KLF12: variants seen among roughly 807,000 people sequenced by gnomAD.
KLF12 encodes the protein Krueppel-like factor 12.
A neutral mutation model predicts 37.8 loss-of-function variants in KLF12; 9 were observed. The observed-to-expected ratio is 0.24, with a 90% CI of 0.14 to 0.42. The LOEUF (loss-of-function observed/expected upper bound fraction) is 0.42, where lower values mean the gene tolerates loss of function less well. Among genes scored for constraint, KLF12 ranks in the 10% least tolerant of loss-of-function variants. The probability of loss-of-function intolerance (pLI) is 1.00; values close to 1 mark genes in which losing one functional copy is unlikely to be tolerated. For synonymous variants in KLF12, 208 were observed against 202.1 expected (o/e 1.03, Z -0.25); for missense variants, 411 against 516.0 (o/e 0.80, Z 1.97).
chr13:73,940,039 G>A lies in KLF12; in HGVS notation c.123+3942C>T, dbSNP rs150316390. On this transcript the variant is annotated intron_variant, in intron 3 of 7. Coordinates refer to ENST00000377669, the MANE Select transcript of KLF12 (RefSeq NM_007249.5). ...AAAATAACTTCCCAATGTCATTCCA[G>A]CTGGTGAACTGCAGGGCCAGGAATA... Among the ~76,000 whole-genome samples, 201 of 152,264 alleles carry A rather than the reference G, an allele frequency of 1.3e-3. 2 individuals are homozygous for A. The highest frequency in any genetic ancestry group is 4.7e-3 in the African/African-American group (195 of 41,550).
chr13:73,965,982 T>C (rs1289116076), intron 2 of KLF12, among the ~76,000 whole-genome samples: 2 of 152,210 alleles, frequency 1.3e-5, no homozygotes, highest in East Asian at 3.8e-4. Flanking sequence ...GCCATAAAAA[T>C]GCATGTACCT....
At chr13:73,908,486 TTTG>T (rs1377255152) in intron 3 of KLF12, among the ~76,000 whole-genome samples, 2 of 149,648 alleles carry the variant, frequency 1.3e-5, no homozygotes, top group African/African-American at 2.5e-5. Flanking sequence ...CTTTTTTTCT[TTTG>T]TTTTTTTTTG....
At chr13:74,249,360 A>ACG in the KLF12 span, among the ~76,000 whole-genome samples, 1 of 132,374 alleles carries the variant, frequency 7.6e-6, no homozygotes, top group East Asian at 2.6e-4. Context: ...ACACACACAC[A>ACG]CACACACACA....
intron 1 of KLF12, among the ~76,000 whole-genome samples, chr13:74,098,466 C>G (rs1876110236): frequency 6.6e-6 from 1 of 152,180 alleles, no homozygotes; most frequent in South Asian, 2.1e-4. Flanking sequence ...AATTCTCATT[C>G]AGGTTCCTAC....
At chr13:73,834,246 C>A (rs914637159) in intron 4 of KLF12, among the ~76,000 whole-genome samples, 1 of 152,118 alleles carries the variant, frequency 6.6e-6, no homozygotes, top group African/African-American at 2.4e-5. Flanking sequence ...TCTTACTATA[C>A]GTTACCCAAG....
chr13:74,191,137 T>G, the KLF12 span, among the ~76,000 whole-genome samples: 1 of 152,168 alleles, frequency 6.6e-6, no homozygotes, highest in Non-Finnish European at 1.5e-5. Context: ...TTCATTATAT[T>G]GTGAACTCTC....
chr13:73,888,301 G>A (rs1246861148), intron 3 of KLF12, among the ~76,000 whole-genome samples: 2 of 152,068 alleles, frequency 1.3e-5, no homozygotes. Context: ...ACCGCGCCCG[G>A]CCACAAAAAC....
intron 6 of KLF12, among the ~76,000 whole-genome samples, chr13:73,717,249 C>T (rs1214255335): frequency 6.6e-6 from 1 of 152,164 alleles, no homozygotes; most frequent in African/African-American, 2.4e-5. Flanking sequence ...GGCAGGAGAA[C>T]TGCTTGAGCC....
chr13:73,927,046 G>A (rs1889424231), intron 3 of KLF12, among the ~76,000 whole-genome samples: 1 of 151,978 alleles, frequency 6.6e-6, no homozygotes, highest in Non-Finnish European at 1.5e-5. Flanking sequence ...AGGGTGTCAT[G>A]TATGAAACTC....
At chr13:74,128,403 CA>C (rs66504755) in intron 1 of KLF12, among the ~76,000 whole-genome samples, 85,237 of 152,042 alleles carry the variant, frequency 0.56, 29,015 homozygotes, top group East Asian at 0.89. Flanking sequence ...CTTTTCCTAT[CA>C]AATCAGTTGC....
At chr13:73,724,143 A>AATGCCC (rs1876488253) in intron 6 of KLF12, among the ~76,000 whole-genome samples, 1 of 152,196 alleles carries the variant, frequency 6.6e-6, no homozygotes, top group Non-Finnish European at 1.5e-5. Context: ...AACCAACCCA[A>AATGCCC]ATGCCCACCA....
At chr13:73,768,578 G>C (rs1880072351) in intron 5 of KLF12, among the ~76,000 whole-genome samples, 1 of 152,112 alleles carries the variant, frequency 6.6e-6, no homozygotes, top group South Asian at 2.1e-4. Flanking sequence ...TTTATTAGAA[G>C]ACCTATCTTC....
intron 4 of KLF12, among the ~76,000 whole-genome samples, chr13:73,819,258 AAAG>A (rs1241121700): frequency 2.2e-4 from 34 of 152,190 alleles, no homozygotes; most frequent in Non-Finnish European, 4.4e-5. Flanking sequence ...TCTAAGGAGT[AAAG>A]AAGATAATAC....
intron 1 of KLF12, among the ~76,000 whole-genome samples, chr13:74,075,925 T>A (rs559956358): frequency 6.6e-6 from 1 of 152,286 alleles, no homozygotes; most frequent in Non-Finnish European, 1.5e-5. Context: ...ATTCTGACAT[T>A]AACTTGAAGA....
intron 5 of KLF12, among the ~76,000 whole-genome samples, chr13:73,810,586 T>G (rs1882875419): frequency 6.6e-6 from 1 of 151,900 alleles, no homozygotes; most frequent in Non-Finnish European, 1.5e-5. Flanking sequence ...ACTTTAGATT[T>G]TAGTCACTAC....
intron 3 of KLF12, among the ~76,000 whole-genome samples, chr13:73,907,872 C>T (rs60272301): frequency 0.019 from 2,845 of 152,248 alleles, 93 homozygotes; most frequent in Admixed American, 0.088. Flanking sequence ...AAACACCAAC[C>T]TCTCTGGCCA....
At chr13:73,959,659 T>G (rs904481257) in intron 2 of KLF12, among the ~76,000 whole-genome samples, 10 of 151,986 alleles carry the variant, frequency 6.6e-5, no homozygotes, top group African/African-American at 2.4e-4. Flanking sequence ...TATGTAAAAT[T>G]ATATATCTCA....
chr13:74,008,061 G>A (rs1334465942), intron 1 of KLF12, among the ~76,000 whole-genome samples: 1 of 152,088 alleles, frequency 6.6e-6, no homozygotes, highest in East Asian at 1.9e-4. Context: ...CTGACTTTGG[G>A]GATGGTAATG....
chr13:74,065,239 T>TATAC (rs1248834623), intron 1 of KLF12, among the ~76,000 whole-genome samples: 17 of 150,052 alleles, frequency 1.1e-4, no homozygotes, highest in Admixed American at 2.0e-4. Flanking sequence ...TATATATATA[T>TATAC]ACACACTGTA....
Sources: gnomAD v4.1 joint callset for allele counts (sites outside exome capture counted in the v4.1 genomes callset) on GRCh38, gnomAD v4.1.1 for gene constraint, MANE v1.5 for transcripts, NCBI Gene and HGNC (gene_info 2026-07-23, HGNC 2026-07-21) for gene names.